Variants in CRHR2 observed in about 807,000 individuals in gnomAD.
CRHR2 encodes the protein corticotropin-releasing hormone receptor 2.
Under a neutral mutation model 57.9 loss-of-function variants are expected in CRHR2, and 53 were observed. That is an observed-to-expected ratio of 0.92 (90% CI 0.73 to 1.15). The LOEUF (loss-of-function observed/expected upper bound fraction) is 1.15. Among genes scored for constraint, CRHR2 ranks in the 50% most tolerant of loss-of-function variants. The pLI, the probability that CRHR2 is intolerant of heterozygous loss-of-function variation, is 0.00. For synonymous variants in CRHR2, 213 were observed against 220.9 expected (o/e 0.96, Z 0.32); for missense variants, 532 against 542.6 (o/e 0.98, Z 0.19).
chr7:30,667,352 C>T, intron 2 of CRHR2, 39 bp from the exon 3 acceptor site: 1 of 1,586,804 alleles, frequency 6.3e-7, no homozygotes. Flanking sequence ...AGGTCACTCC[C>T]CTCCTCAAGA....
upstream of CRHR2, chr7:30,686,711 A>C: frequency 4.6e-6 from 2 of 434,982 alleles, no homozygotes; most frequent in Non-Finnish European, 8.4e-6. Context: ...ATATGCCCTA[A>C]TATTTTTCAA....
At position 30,693,598 on chromosome 7, in the gene CRHR2, T is replaced by A. The variant is rs144935077; in HGVS notation, c.-260-4314A>T. On this transcript the variant is annotated intron_variant, in intron 1 of 13. Coordinates refer to the CRHR2 transcript ENST00000341843. ...TGTTTCCTTGAGTTTTGCAAAATGT[T>A]ATAGCACACTATTGAACCCAAAGAG... Among the ~76,000 whole-genome samples the A allele has an allele frequency of 2.3e-3, 356 of 152,356 alleles. 3 individuals carry two copies. Among genetic ancestry groups the A allele is most frequent in the African/African-American group, 8.1e-3 (336 of 41,582 alleles).
chr7:30,664,303 G>A (rs1784108696), intron 5 of CRHR2, among the ~76,000 whole-genome samples: 2 of 152,240 alleles, frequency 1.3e-5, no homozygotes, highest in African/African-American at 4.8e-5. Context: ...CTTGGACACA[G>A]TACACAGCAA....
chr7:30,688,364 A>G (rs900628234), intron 2 of CRHR2, among the ~76,000 whole-genome samples: 12 of 152,056 alleles, frequency 7.9e-5, no homozygotes, highest in African/African-American at 2.7e-4. Context: ...GCCCCAGGAC[A>G]CTAATACAGA....
Position 30,689,365 on chromosome 7 carries a change from A to G in CRHR2, c.-260-81T>C, listed in dbSNP as rs1784915953. 3.5e-6 allele frequency: 4 copies of G among 1,143,508 alleles called. No individual in the cohort carries two copies. In the East Asian group the frequency reaches 7.7e-5, roughly 22 times the overall value. The allele number at this position is 1,143,508 out of a possible 1,614,324, so 70.8% of individuals were successfully genotyped here. On this transcript the variant is annotated intron_variant, in intron 1 of 13. Transcript: ENST00000341843. ...TGCCTGTCTGCCCCCATCCTATCCT[A>G]TCACTCATCCCTTACTCCTCTTAGT...
intron 11 of CRHR2, 142 bp downstream of exon 11, chr7:30,654,897 C>T: frequency 6.4e-7 from 1 of 1,551,198 alleles, no homozygotes; most frequent in East Asian, 2.4e-5. Flanking sequence ...AGAAGGATTC[C>T]TGTTCCCCTA....
At chr7:30,699,950 G>C in exon 1 of CRHR2, 1 of 1,505,354 alleles carries the variant, frequency 6.6e-7, no homozygotes, top group Non-Finnish European at 8.9e-7. Context: ...TTACGTATTG[G>C]AGCGGCGGTG....
In CRHR2 at chr7:30,662,690, T is replaced by G. The variant is rs1307907597; in HGVS notation, c.697+4A>C. ...CTAGGCCCTGCTGCCCCTGGGACCC[T>G]CACACCATCCGATGAAGAGGAAGAG... is the stretch of plus-strand genomic sequence containing the variant. On this transcript the variant is annotated splice_donor_region_variant and intron_variant, in intron 6 of 11. Coordinates refer to ENST00000471646, the MANE Select transcript of CRHR2 (RefSeq NM_001883.5). 2 of 1,612,956 alleles carry G rather than the reference T, an allele frequency of 1.2e-6. No homozygotes were observed. The highest frequency in any genetic ancestry group is 2.7e-5 in the African/African-American group (2 of 74,910).
At chr7:30,696,328 A>G (rs1372562130) in intron 1 of CRHR2, among the ~76,000 whole-genome samples, 1 of 152,236 alleles carries the variant, frequency 6.6e-6, no homozygotes, top group Non-Finnish European at 1.5e-5. Flanking sequence ...TGGATACCCC[A>G]TTTTACATGA....
intron 1 of CRHR2, among the ~76,000 whole-genome samples, chr7:30,692,163 G>A (rs1010816093): frequency 3.3e-5 from 5 of 152,218 alleles, no homozygotes; most frequent in African/African-American, 7.2e-5. Context: ...AGCCTGGCAC[G>A]TAGAATGCGC....
chr7:30,687,877 A>T (rs558373911), intron 2 of CRHR2, among the ~76,000 whole-genome samples: 2 of 152,276 alleles, frequency 1.3e-5, no homozygotes, highest in South Asian at 4.1e-4. Context: ...TTCCTGTCTG[A>T]TGCTGGCATG....
chr7:30,693,409 T>C (rs1350317099), intron 1 of CRHR2, among the ~76,000 whole-genome samples: 1 of 152,120 alleles, frequency 6.6e-6, no homozygotes, highest in Non-Finnish European at 1.5e-5. Context: ...AAAGGTGGGA[T>C]TGGGGGCTTC....
At chr7:30,687,343 G>A (rs255097), upstream of CRHR2, among the ~76,000 whole-genome samples, 70,915 of 151,804 alleles carry the variant, frequency 0.47, 19,225 homozygotes, top group Non-Finnish European at 0.61. Flanking sequence ...CAAGCGATGC[G>A]GTGGTTGAAT....
intron 11 of CRHR2, among the ~76,000 whole-genome samples, chr7:30,654,046 C>T (rs1783682130): frequency 6.6e-6 from 1 of 152,158 alleles, no homozygotes; most frequent in Non-Finnish European, 1.5e-5. Flanking sequence ...GTCCCCTCTG[C>T]ACCCCTCCAC....
chr7:30,700,078 A>C (rs1373051295), exon 1 of CRHR2: 2 of 1,281,072 alleles, frequency 1.6e-6, no homozygotes, highest in Non-Finnish European at 2.0e-6. Flanking sequence ...GCTGCCCAGC[A>C]CGGTGGTCAC....
At chr7:30,675,422 G>T (rs1212223933) in intron 2 of CRHR2, among the ~76,000 whole-genome samples, 1 of 152,268 alleles carries the variant, frequency 6.6e-6, no homozygotes, top group Non-Finnish European at 1.5e-5. Context: ...GCCAGCCCTT[G>T]ATTGAGATTT....
intron 1 of CRHR2, chr7:30,697,848 A>G (rs1311197271): frequency 6.6e-6 from 1 of 152,148 alleles, no homozygotes; most frequent in Non-Finnish European, 1.5e-5. Context: ...AGGCTCCCCC[A>G]TCCTGTCAAG....
chr7:30,681,830 G>C, intron 2 of CRHR2, 85 bp downstream of exon 2: 1 of 1,490,816 alleles, frequency 6.7e-7, no homozygotes, highest in Non-Finnish European at 8.9e-7. Context: ...GCTTTGTACC[G>C]CTGGGTCCGG....
intron 2 of CRHR2, among the ~76,000 whole-genome samples, chr7:30,669,200 C>A (rs1338003735): frequency 6.6e-6 from 1 of 152,176 alleles, no homozygotes; most frequent in East Asian, 1.9e-4. Context: ...TAGATATTAT[C>A]CAGCTTTCCT....
Sources: allele counts gnomAD v4.1 joint callset (sites outside exome capture counted in the v4.1 genomes callset), GRCh38; gene constraint gnomAD v4.1.1; transcripts MANE v1.5; gene names NCBI Gene and HGNC (gene_info 2026-07-23, HGNC 2026-07-21).